Variants in CALN1 observed in about 807,000 individuals in gnomAD.
The protein encoded by CALN1 is calcium-binding protein 8.
A neutral mutation model predicts 30.6 loss-of-function variants in CALN1; 17 were observed. The observed-to-expected ratio is 0.56, with a 90% CI of 0.38 to 0.83. The LOEUF is 0.83. CALN1 is among the 40% of genes least tolerant of loss of function. The probability of loss-of-function intolerance (pLI) is 0.00; values close to 1 mark genes in which losing one functional copy is unlikely to be tolerated. For missense variants in CALN1, 291 were observed against 354.9 expected (o/e 0.82, Z 1.45); for synonymous variants, 156 against 131.4 (o/e 1.19, Z -1.28).
At chr7:72,427,166 G>A (rs573560258) in intron 1 of CALN1, among the ~76,000 whole-genome samples, 3 of 152,144 alleles carry the variant, frequency 2.0e-5, no homozygotes, top group East Asian at 1.9e-4. Context: ...AAAATTATTT[G>A]TAGAGATGGG....
intron 3 of CALN1, among the ~76,000 whole-genome samples, chr7:72,241,402 T>C (rs934529990): frequency 1.3e-5 from 2 of 151,938 alleles, no homozygotes; most frequent in Non-Finnish European, 2.9e-5. Flanking sequence ...CCCCCACACA[T>C]TTACTTAAAC....
At chr7:72,238,366 TA>T (rs1489668991) in intron 3 of CALN1, among the ~76,000 whole-genome samples, 2 of 152,200 alleles carry the variant, frequency 1.3e-5, no homozygotes, top group Non-Finnish European at 2.9e-5. Context: ...AAATTCATGG[TA>T]TAATGAATTT....
intron 4 of CALN1, among the ~76,000 whole-genome samples, chr7:72,094,921 G>A (rs1305195007): frequency 1.3e-5 from 2 of 152,114 alleles, no homozygotes; most frequent in African/African-American, 2.4e-5. Flanking sequence ...CATGTTTCTA[G>A]AGACTATTTT....
At chr7:72,408,753 T>C (rs1806889746) in intron 1 of CALN1, among the ~76,000 whole-genome samples, 1 of 133,752 alleles carries the variant, frequency 7.5e-6, no homozygotes, top group Non-Finnish European at 1.5e-5. Flanking sequence ...CATAGCTCCC[T>C]GCAGCCTCAA....
intron 3 of CALN1, among the ~76,000 whole-genome samples, chr7:72,207,365 G>T (rs958867447): frequency 3.3e-5 from 5 of 152,100 alleles, no homozygotes; most frequent in Admixed American, 6.6e-5. Flanking sequence ...TCCCTCCCTT[G>T]AACACCCTCA....
chr7:72,298,069 T>C (rs1406899886), intron 2 of CALN1, among the ~76,000 whole-genome samples: 1 of 152,184 alleles, frequency 6.6e-6, no homozygotes, highest in East Asian at 1.9e-4. Context: ...CAAAAACATC[T>C]ATTTTCAAAA....
chr7:72,111,035 C>A (rs1235425461), intron 3 of CALN1, among the ~76,000 whole-genome samples: 1 of 152,192 alleles, frequency 6.6e-6, no homozygotes, highest in Non-Finnish European at 1.5e-5. Flanking sequence ...TTCACCGAAA[C>A]GTACTCCTTC....
At chr7:72,232,191 C>A (rs1794154724) in intron 3 of CALN1, among the ~76,000 whole-genome samples, 1 of 152,170 alleles carries the variant, frequency 6.6e-6, no homozygotes, top group African/African-American at 2.4e-5. Context: ...CATGCATCAG[C>A]TCCGGCAAGG....
the CALN1 span, among the ~76,000 whole-genome samples, chr7:72,500,269 CTTTTTT>C: frequency 1.2e-4 from 6 of 51,394 alleles, no homozygotes; most frequent in Non-Finnish European, 1.7e-4. Context: ...TTCGTTCCTT[CTTTTTT>C]TTTTTTTTTT....
chr7:71,823,705 G>A (rs749281420), intron 5 of CALN1, among the ~76,000 whole-genome samples: 4 of 150,960 alleles, frequency 2.6e-5, no homozygotes, highest in East Asian at 4.0e-4. Flanking sequence ...GCAACAGAGC[G>A]AGACTCCATC....
intron 5 of CALN1, among the ~76,000 whole-genome samples, chr7:71,923,616 T>C (rs376983493): frequency 6.6e-6 from 1 of 152,064 alleles, no homozygotes; most frequent in Admixed American, 6.5e-5. Flanking sequence ...AAAGAGCTAG[T>C]TTATTGTTTT....
At chr7:72,173,136 A>T (rs1159001169) in intron 3 of CALN1, among the ~76,000 whole-genome samples, 1 of 152,206 alleles carries the variant, frequency 6.6e-6, no homozygotes, top group Non-Finnish European at 1.5e-5. Context: ...GGTTTATATG[A>T]AAACAATTGC....
chr7:71,914,414 T>C lies in CALN1; in HGVS notation c.502-103922A>G, dbSNP rs1396186462. Among the ~76,000 whole-genome samples the C allele has an allele frequency of 1.3e-5, 2 of 152,246 alleles. 1 individual carries two copies. The highest frequency in any genetic ancestry group is 2.9e-5 in the Non-Finnish European group (2 of 68,050). On this transcript the variant is annotated intron_variant, in intron 5 of 6. Coordinates refer to ENST00000395275, the MANE Select transcript of CALN1 (RefSeq NM_031468.4). ...CTTTTCATGGCTGCATAGTATTCCA[T>C]GGTGTAGATGTACCACATTTTCTTT...
intron 5 of CALN1, among the ~76,000 whole-genome samples, chr7:71,969,315 C>A (rs1797679297): frequency 6.6e-6 from 1 of 151,918 alleles, no homozygotes; most frequent in East Asian, 1.9e-4. Flanking sequence ...TCGGTATTAA[C>A]CTTCTCCTCA....
chr7:72,049,969 C>T (rs889258418), intron 4 of CALN1, among the ~76,000 whole-genome samples: 2 of 151,482 alleles, frequency 1.3e-5, no homozygotes, highest in African/African-American at 4.9e-5. Context: ...ACTACCACTC[C>T]TGGCTATACT....
chr7:71,867,713 G>C (rs111444576), intron 5 of CALN1, among the ~76,000 whole-genome samples: 1 of 152,206 alleles, frequency 6.6e-6, no homozygotes, highest in Admixed American at 6.5e-5. Context: ...GATCACAGGA[G>C]TGAGCTACCG....
chr7:71,806,942 A>C (rs1054525506), intron 6 of CALN1, among the ~76,000 whole-genome samples: 1 of 152,184 alleles, frequency 6.6e-6, no homozygotes, highest in South Asian at 2.1e-4. Context: ...CTGCTGTCTC[A>C]GTGTATTGGT....
At chr7:72,283,655 G>A (rs990124975) in intron 2 of CALN1, among the ~76,000 whole-genome samples, 1 of 152,210 alleles carries the variant, frequency 6.6e-6, no homozygotes, top group Non-Finnish European at 1.5e-5. Context: ...AAGAAGTCAT[G>A]GATGAATTAG....
intron 5 of CALN1, among the ~76,000 whole-genome samples, chr7:71,849,013 G>T (rs943363636): frequency 6.6e-6 from 1 of 152,090 alleles, no homozygotes; most frequent in African/African-American, 2.4e-5. Flanking sequence ...CCATGTGAGG[G>T]TTTTTAAATT....
Sources: gnomAD v4.1 joint callset for allele counts (sites outside exome capture counted in the v4.1 genomes callset) on GRCh38, gnomAD v4.1.1 for gene constraint, MANE v1.5 for transcripts, NCBI Gene and HGNC (gene_info 2026-07-23, HGNC 2026-07-21) for gene names.